GRIK2: variants seen among roughly 807,000 people sequenced by gnomAD.
GRIK2 encodes the protein glutamate ionotropic receptor kainate type subunit 2.
GRIK2 carries 32 observed loss-of-function variants against 100.3 expected under a neutral mutation model. That is an observed-to-expected ratio of 0.32 (90% CI 0.24 to 0.43). The LOEUF is 0.43. GRIK2 is among the 20% of genes least tolerant of loss of function. The probability of loss-of-function intolerance (pLI) is 1.00; values close to 1 mark genes in which losing one functional copy is unlikely to be tolerated. For missense variants in GRIK2, 843 were observed against 1,114.9 expected (o/e 0.76, Z 3.47); for synonymous variants, 417 against 389.4 (o/e 1.07, Z -0.83).
At chr6:101,712,523 A>G (rs912510836) in intron 7 of GRIK2, among the ~76,000 whole-genome samples, 1 of 151,882 alleles carries the variant, frequency 6.6e-6, no homozygotes, top group Non-Finnish European at 1.5e-5. Flanking sequence ...TACATGTATG[A>G]GTCTGAGAAA....
At chr6:101,399,563 T>C (rs1461660050) in intron 2 of GRIK2, among the ~76,000 whole-genome samples, 171 bp downstream of exon 2, 1 of 152,134 alleles carries the variant, frequency 6.6e-6, no homozygotes, top group African/African-American at 2.4e-5. Context: ...CTTCTCTTCT[T>C]TATTTTTATT....
At chr6:101,554,130 G>A (rs1453594361) in intron 2 of GRIK2, among the ~76,000 whole-genome samples, 1 of 152,134 alleles carries the variant, frequency 6.6e-6, no homozygotes, top group African/African-American at 2.4e-5. Context: ...AGTAGGAACA[G>A]AATTAGCAAA....
At chr6:101,833,268 G>T (rs1315719289) in intron 10 of GRIK2, among the ~76,000 whole-genome samples, 1 of 152,080 alleles carries the variant, frequency 6.6e-6, no homozygotes, top group African/African-American at 2.4e-5. Context: ...GTCTTGCTCT[G>T]TCGCCCAGGC....
At chr6:102,030,813 C>G (rs1438098236) in intron 14 of GRIK2, among the ~76,000 whole-genome samples, 1 of 150,964 alleles carries the variant, frequency 6.6e-6, no homozygotes, top group African/African-American at 2.4e-5. Context: ...TCAATTGTAT[C>G]TAATATGGCA....
At chr6:101,986,344 G>C (rs1392983813) in intron 14 of GRIK2, among the ~76,000 whole-genome samples, 1 of 151,806 alleles carries the variant, frequency 6.6e-6, no homozygotes, top group East Asian at 1.9e-4. Flanking sequence ...GTGTATGTGA[G>C]AGAGTTATAC....
chr6:101,473,958 A>T (rs35713918), intron 2 of GRIK2, among the ~76,000 whole-genome samples: 318 of 151,968 alleles, frequency 2.1e-3, no homozygotes, highest in Non-Finnish European at 2.5e-3. Flanking sequence ...TATGATTTTT[A>T]AAAAACCTGC....
At position 101,931,448 on chromosome 6, in the gene GRIK2, T is replaced by TATA. The variant is rs1279208306; in HGVS notation, c.2085+2818_2085+2820dup. ...GGAATACTTCCTTCCAGAAAATTAT[T>TATA]ATAAAAAACGATACAGTTTTGTTAC... On this transcript the variant is annotated intron_variant, in intron 14 of 16. Coordinates refer to ENST00000369134, the MANE Select transcript of GRIK2 (RefSeq NM_021956.5). 4.6e-5 allele frequency among the ~76,000 whole-genome samples: 7 copies of TATA among 152,278 alleles called. 2 individuals are homozygous for TATA. Among genetic ancestry groups the TATA allele is most frequent in the African/African-American group, 1.7e-4 (7 of 41,584 alleles).
chr6:101,741,141 G>C (rs191396135), intron 7 of GRIK2, among the ~76,000 whole-genome samples: 198 of 152,290 alleles, frequency 1.3e-3, no homozygotes, highest in African/African-American at 4.6e-3. Flanking sequence ...ATTTCCCTGA[G>C]GACACTGGTT....
intron 15 of GRIK2, among the ~76,000 whole-genome samples, chr6:102,053,513 GA>G (rs775288347): frequency 1.4e-3 from 207 of 152,268 alleles, no homozygotes; most frequent in Non-Finnish European, 1.8e-3. Flanking sequence ...AACATTTGCT[GA>G]GAGCCTATGA....
chr6:102,061,233 GCTT>G (rs1771735458), intron 16 of GRIK2, among the ~76,000 whole-genome samples: 2 of 150,404 alleles, frequency 1.3e-5, no homozygotes, highest in Admixed American at 1.3e-4. Context: ...TAAAATAATA[GCTT>G]AATAGATAAT....
chr6:101,759,805 A>G (rs1261963960), intron 7 of GRIK2, among the ~76,000 whole-genome samples: 1 of 151,970 alleles, frequency 6.6e-6, no homozygotes, highest in African/African-American at 2.4e-5. Flanking sequence ...AAAAAATAAA[A>G]AAAGGTTTCT....
At chr6:101,760,650 T>G (rs1225485008) in intron 7 of GRIK2, among the ~76,000 whole-genome samples, 1 of 87,724 alleles carries the variant, frequency 1.1e-5, no homozygotes, top group East Asian at 8.6e-4. Context: ...TTATATATAA[T>G]TATATGTTTA....
intron 2 of GRIK2, among the ~76,000 whole-genome samples, chr6:101,545,228 C>T (rs1420736790): frequency 6.6e-6 from 1 of 152,090 alleles, no homozygotes; most frequent in Non-Finnish European, 1.5e-5. Context: ...TTTTTTCTGA[C>T]TGCTTAAGTA....
At chr6:101,575,353 C>A (rs985845196) in intron 2 of GRIK2, among the ~76,000 whole-genome samples, 9 of 151,354 alleles carry the variant, frequency 5.9e-5, no homozygotes, top group Non-Finnish European at 1.5e-5. Flanking sequence ...TTAACATGGG[C>A]AGAAAAATTA....
At chr6:101,988,185 G>A (rs1191387947) in intron 14 of GRIK2, among the ~76,000 whole-genome samples, 1 of 150,282 alleles carries the variant, frequency 6.7e-6, no homozygotes, top group Non-Finnish European at 1.5e-5. Context: ...ATTCTCATGA[G>A]TATGTGTAGA....
At chr6:101,909,375 T>TTTTTTTTG (rs1562480881) in intron 12 of GRIK2, among the ~76,000 whole-genome samples, 2 of 117,960 alleles carry the variant, frequency 1.7e-5, no homozygotes, top group Admixed American at 9.3e-5. Context: ...GATAGGGTTT[T>TTTTTTTTG]CTTTTTCTTT....
chr6:102,046,473 T>A (rs912855766), intron 15 of GRIK2, among the ~76,000 whole-genome samples: 2 of 151,944 alleles, frequency 1.3e-5, no homozygotes, highest in Non-Finnish European at 2.9e-5. Flanking sequence ...ATCTGATGGT[T>A]AAAAAGTGTG....
intron 2 of GRIK2, among the ~76,000 whole-genome samples, chr6:101,458,382 G>A (rs908015898): frequency 1.3e-5 from 2 of 152,204 alleles, no homozygotes; most frequent in Middle Eastern, 3.4e-3. Flanking sequence ...TTTTAATTTA[G>A]TGCTCCAAAT....
intron 10 of GRIK2, among the ~76,000 whole-genome samples, chr6:101,829,503 T>G (rs1562421341): frequency 6.6e-6 from 1 of 151,900 alleles, no homozygotes; most frequent in Non-Finnish European, 1.5e-5. Flanking sequence ...ACCCTGAAGA[T>G]TCCTCCAAGG....
Sources: allele counts gnomAD v4.1 joint callset (sites outside exome capture counted in the v4.1 genomes callset), GRCh38; gene constraint gnomAD v4.1.1; transcripts MANE v1.5; gene names NCBI Gene and HGNC (gene_info 2026-07-23, HGNC 2026-07-21).